LAMB4: variants seen among roughly 807,000 people sequenced by gnomAD.
The protein encoded by LAMB4 is laminin subunit beta-4.
A neutral mutation model predicts 199.2 loss-of-function variants in LAMB4; 196 were observed. The ratio of observed to expected loss-of-function variants is 0.98; its 90% CI spans 0.88 to 1.11. The LOEUF (loss-of-function observed/expected upper bound fraction) is 1.11, where lower values mean the gene tolerates loss of function less well. Ranked by LOEUF, LAMB4 falls within the 50% of genes least tolerant of loss-of-function variation. LAMB4 has a pLI of 0.00. For missense variants in LAMB4, 2,080 were observed against 2,171.2 expected, an observed-to-expected ratio of 0.96 and a Z score of 0.83; for synonymous variants, 744 against 770.6, an observed-to-expected ratio of 0.97 and a Z score of 0.57.
intron 10 of LAMB4, among the ~76,000 whole-genome samples, chr7:108,102,626 G>T (rs1171905801): frequency 1.3e-5 from 2 of 152,174 alleles, no homozygotes; most frequent in African/African-American, 4.8e-5. Flanking sequence ...TTTCATTTAA[G>T]AAGTTGAGAT....
chr7:108,043,545 G>GTGTTTTTTTTTTTTTT (rs2035496985), intron 29 of LAMB4, among the ~76,000 whole-genome samples: 1 of 56,002 alleles, frequency 1.8e-5, no homozygotes, highest in African/African-American at 1.5e-4. Flanking sequence ...TGGCTATGAT[G>GTGTTTTTTTTTTTTTT]TTTTTTTTTT....
At chr7:108,095,912 T>C (rs143564950) in intron 11 of LAMB4, among the ~76,000 whole-genome samples, 303 of 152,298 alleles carry the variant, frequency 2.0e-3, no homozygotes, top group African/African-American at 7.0e-3. Context: ...AAATGTCCCA[T>C]TGACTAATGA....
At chr7:108,025,370 C>T (rs963388298) in intron 33 of LAMB4, among the ~76,000 whole-genome samples, 2 of 137,536 alleles carry the variant, frequency 1.5e-5, no homozygotes, top group African/African-American at 6.4e-5. Context: ...TAGATTCTTT[C>T]TTTCTTTCTT....
intron 24 of LAMB4, among the ~76,000 whole-genome samples, chr7:108,057,323 C>A (rs1447143281): frequency 6.6e-6 from 1 of 152,180 alleles, no homozygotes; most frequent in Non-Finnish European, 1.5e-5. Context: ...CAAAGTTTCA[C>A]CCTGGGTTTT....
chr7:108,041,595 G>A (rs1181357387), intron 29 of LAMB4, among the ~76,000 whole-genome samples: 2 of 152,168 alleles, frequency 1.3e-5, no homozygotes, highest in African/African-American at 2.4e-5. Flanking sequence ...TCCTTTGCCA[G>A]AACATGGATA....
In LAMB4 at chr7:108,033,979, G is replaced by T. The variant is rs561032568; in HGVS notation, c.4818+229C>A. Among the ~76,000 whole-genome samples, 10 of 152,054 alleles carry T rather than the reference G, an allele frequency of 6.6e-5. 1 individual carries two copies. In the South Asian group the frequency reaches 2.1e-3, roughly 32 times the overall value. Reference sequence around the variant, plus strand: ...TCATAGTTTCCTCATTTCCAAGCTGGTGTTAGTACCTGCCTTGGTGCAACC... The same window carrying T: ...TCATAGTTTCCTCATTTCCAAGCTGTTGTTAGTACCTGCCTTGGTGCAACC... On this transcript the variant is annotated intron_variant, in intron 31 of 33. Transcript: ENST00000388781.
At chr7:108,075,023 C>T (rs1347136505) in intron 17 of LAMB4, among the ~76,000 whole-genome samples, 1 of 152,178 alleles carries the variant, frequency 6.6e-6, no homozygotes, top group East Asian at 1.9e-4. Flanking sequence ...CCTTAGTGAT[C>T]TGGGACTTCA....
intron 27 of LAMB4, among the ~76,000 whole-genome samples, chr7:108,048,427 A>G (rs1274909908): frequency 6.6e-6 from 1 of 152,008 alleles, no homozygotes. Flanking sequence ...CGGCCTCCCA[A>G]AGTGCTGAGA....
intron 33 of LAMB4, among the ~76,000 whole-genome samples, chr7:108,024,436 C>A (rs763764072): frequency 1.3e-4 from 20 of 152,172 alleles, no homozygotes; most frequent in Admixed American, 5.2e-4. Context: ...GGTTAGAATT[C>A]ATTAGAAATG....
rs568444360 is a variant in LAMB4, at chr7:108,040,799, TA to T, written c.4471+2952del. Reference sequence around the variant, plus strand: ...GACTAAAATGTAAAACCCAAAAGTATAAAAACCTTGGAAGGCAACCTAGACA... The same window carrying T: ...GACTAAAATGTAAAACCCAAAAGTATAAAACCTTGGAAGGCAACCTAGACA... On this transcript the variant is annotated intron_variant, in intron 29 of 33. Coordinates refer to ENST00000388781, the MANE Select transcript of LAMB4 (RefSeq NM_007356.3). Among the ~76,000 whole-genome samples, 255 of 152,220 alleles carry T rather than the reference TA, an allele frequency of 1.7e-3. 1 individual carries two copies. Among genetic ancestry groups the T allele is most frequent in the African/African-American group, 6.0e-3 (250 of 41,530 alleles).
At position 108,103,135 on chromosome 7, in the gene LAMB4, C is replaced by T. The variant is rs532477592; in HGVS notation, c.1089G>A (p.Gln363=). The T allele has an allele frequency of 5.9e-4, 951 of 1,613,490 alleles. 12 individuals are homozygous for T. The South Asian group carries it at 9.8e-3, about 17-fold the overall frequency. ...GLSGGVCEDC[Q]HNTEGQHCDR... ...CGCAGTGCTGCCCCTCAGTGTTGTG[C>T]TGGCAGTCTTCACACACGCCCCCGC... is the stretch of plus-strand genomic sequence containing the variant. Residue 363 remains glutamine (Q), a synonymous_variant, in exon 10 of 34, where the codon CAG becomes CAA. Transcript: ENST00000388781.
chr7:108,104,464 C>T lies in LAMB4; in HGVS notation c.991+35G>A, dbSNP rs749358784. ...TTCTTAAATAAGGAAATGCAGAGCACACTCAGTCTATGCAGGGAACTGAGT... is the reference window on the plus strand; with the variant it reads ...TTCTTAAATAAGGAAATGCAGAGCATACTCAGTCTATGCAGGGAACTGAGT... On this transcript the variant is annotated intron_variant, in intron 9 of 33. Transcript: ENST00000388781. The T allele has an allele frequency of 5.3e-5, 86 of 1,612,070 alleles. No individual in the cohort carries two copies. The Admixed American group carries it at 1.3e-3, about 25-fold the overall frequency.
intron 10 of LAMB4, among the ~76,000 whole-genome samples, chr7:108,100,814 TA>T (rs927361153): frequency 1.3e-5 from 2 of 152,212 alleles, no homozygotes; most frequent in African/African-American, 4.8e-5. Context: ...CAGATTGTGG[TA>T]AAAACTGTGT....
chr7:108,106,403 G>T (rs921812465), intron 7 of LAMB4, 106 bp downstream of exon 7: 25 of 701,808 alleles, frequency 3.6e-5, no homozygotes, highest in Non-Finnish European at 5.8e-5. Flanking sequence ...GGATGACAGG[G>T]CAAGACTCCG....
At chr7:108,028,083 C>T (rs375023209) in intron 33 of LAMB4, among the ~76,000 whole-genome samples, 91 of 152,076 alleles carry the variant, frequency 6.0e-4, no homozygotes, top group African/African-American at 2.1e-3. Context: ...CGCGCCTGGC[C>T]GGTATTCCAT....
chr7:108,060,289 T>C (rs1258477315), intron 23 of LAMB4, among the ~76,000 whole-genome samples: 2 of 152,230 alleles, frequency 1.3e-5, no homozygotes, highest in Non-Finnish European at 2.9e-5. Context: ...GCTACAAACA[T>C]GCTTCCCAAA....
intron 29 of LAMB4, among the ~76,000 whole-genome samples, chr7:108,042,944 T>TGTGTGTGTGA (rs2035473346): frequency 1.4e-5 from 2 of 145,414 alleles, no homozygotes; most frequent in Non-Finnish European, 3.1e-5. Flanking sequence ...TCTCTGTGTG[T>TGTGTGTGTGA]GTGTGTGTGT....
At chr7:108,064,939 C>CATAG (rs1176099550) in intron 21 of LAMB4, among the ~76,000 whole-genome samples, 1 of 146,516 alleles carries the variant, frequency 6.8e-6, no homozygotes, top group Non-Finnish European at 1.5e-5. Flanking sequence ...TGCTCTGTTG[C>CATAG]ATAGGCCCCA....
intron 1 of LAMB4, among the ~76,000 whole-genome samples, chr7:108,124,383 G>A (rs1167412725): frequency 3.3e-5 from 5 of 152,060 alleles, no homozygotes; most frequent in Non-Finnish European, 7.3e-5. Flanking sequence ...TATTCACTAT[G>A]ATATAGTAAA....
Sources: allele counts gnomAD v4.1 joint callset (sites outside exome capture counted in the v4.1 genomes callset), GRCh38; gene constraint gnomAD v4.1.1; transcripts MANE v1.5; gene names NCBI Gene and HGNC (gene_info 2026-07-23, HGNC 2026-07-21).